SYT16: variants seen among roughly 807,000 people sequenced by gnomAD.
SYT16 encodes the protein synaptotagmin 16, also known as synaptotagmin-16.
In SYT16, 42 loss-of-function variants were observed where a neutral mutation model predicts 61.4. That is an observed-to-expected ratio of 0.68 (90% CI 0.53 to 0.89). The LOEUF is 0.89. Among genes scored for constraint, SYT16 ranks in the 40% least tolerant of loss-of-function variants. The pLI, the probability that SYT16 is intolerant of heterozygous loss-of-function variation, is 0.00. For missense variants in SYT16, 804 were observed against 807.3 expected (o/e 1.00, Z 0.05); for synonymous variants, 314 against 302.3 (o/e 1.04, Z -0.40).
chr14:61,943,270 C>T (rs1238972775), intron 1 of SYT16, among the ~76,000 whole-genome samples: 1 of 152,128 alleles, frequency 6.6e-6, no homozygotes, highest in Non-Finnish European at 1.5e-5. Flanking sequence ...AGCCCAAGAC[C>T]AGACGGATTC....
intron 1 of SYT16, among the ~76,000 whole-genome samples, chr14:61,813,830 T>C (rs1014801911): frequency 1.7e-5 from 2 of 116,704 alleles, no homozygotes; most frequent in African/African-American, 6.6e-5. Context: ...TTTTGAGAGG[T>C]GAGGAGGAAA....
intron 3 of SYT16, 121 bp from the exon 4 acceptor site, chr14:62,069,482 T>C: frequency 1.0e-6 from 1 of 998,846 alleles, no homozygotes; most frequent in Non-Finnish European, 1.5e-6. Flanking sequence ...CTATCCAGTT[T>C]GAGTGTGCCT....
At chr14:62,041,286 A>G (rs1162387173) in intron 3 of SYT16, among the ~76,000 whole-genome samples, 1 of 152,204 alleles carries the variant, frequency 6.6e-6, no homozygotes, top group Non-Finnish European at 1.5e-5. Context: ...GTATCCTTCA[A>G]TCAAGCTGAC....
chr14:61,994,666 G>A (rs1308512505), intron 2 of SYT16, among the ~76,000 whole-genome samples: 2 of 152,116 alleles, frequency 1.3e-5, no homozygotes, highest in South Asian at 2.1e-4. Flanking sequence ...CTGAAAGAGC[G>A]ACACATGAAT....
At chr14:62,046,297 T>C (rs2054982184) in intron 3 of SYT16, among the ~76,000 whole-genome samples, 1 of 150,692 alleles carries the variant, frequency 6.6e-6, no homozygotes, top group Admixed American at 6.6e-5. Context: ...TTTGATGGGG[T>C]TGTTTGTTTT....
At chr14:62,055,906 A>T (rs1413771726) in intron 3 of SYT16, among the ~76,000 whole-genome samples, 3 of 152,208 alleles carry the variant, frequency 2.0e-5, no homozygotes, top group Non-Finnish European at 4.4e-5. Flanking sequence ...TGAAGCCGAC[A>T]GAGCAGCCTC....
intron 1 of SYT16, among the ~76,000 whole-genome samples, chr14:61,917,440 G>T (rs967359826): frequency 1.2e-4 from 19 of 152,012 alleles, no homozygotes; most frequent in Admixed American, 4.6e-4. Flanking sequence ...AAGATTTTTT[G>T]GGGGGAGCAT....
chr14:62,068,095 C>A (rs913080157), intron 3 of SYT16, among the ~76,000 whole-genome samples: 2 of 152,180 alleles, frequency 1.3e-5, no homozygotes, highest in Non-Finnish European at 2.9e-5. Flanking sequence ...TATCTGCACT[C>A]CCATGCTCAC....
intron 1 of SYT16, among the ~76,000 whole-genome samples, chr14:61,851,820 G>A (rs187337854): frequency 1.6e-4 from 24 of 152,162 alleles, no homozygotes; most frequent in Admixed American, 1.1e-3. Context: ...GACCTTCATC[G>A]GATGGATAGA....
At chr14:61,904,834 C>G (rs1394650475) in intron 1 of SYT16, among the ~76,000 whole-genome samples, 2 of 152,176 alleles carry the variant, frequency 1.3e-5, no homozygotes, top group African/African-American at 4.8e-5. Flanking sequence ...TATCTCATTA[C>G]TATAATTAGC....
Position 62,101,368 on chromosome 14 carries a change from C to G in SYT16, c.*661C>G, listed in dbSNP as rs1404657940. The G allele has an allele frequency of 6.6e-6, 1 of 152,104 alleles. No homozygotes were observed. Among genetic ancestry groups the G allele is most frequent in the East Asian group, 1.9e-4 (1 of 5,202 alleles). The allele number at this position is 152,104 out of a possible 1,614,324, so 9.4% of individuals were successfully genotyped here. ...ATCATTTTGAAGCAAGAAAAGAGTT[C>G]AGAAACTACTGTTTTAAGACAACTT... is the stretch of plus-strand genomic sequence containing the variant. On this transcript the variant is annotated 3_prime_UTR_variant, in exon 8 of 8. Coordinates refer to ENST00000683842, the MANE Select transcript of SYT16 (RefSeq NM_001367656.1).
chr14:61,977,959 A>T (rs772236067), intron 2 of SYT16, among the ~76,000 whole-genome samples: 3 of 152,112 alleles, frequency 2.0e-5, no homozygotes, highest in Non-Finnish European at 2.9e-5. Context: ...CTGTTTCATG[A>T]CTTGCTCCTT....
intron 2 of SYT16, among the ~76,000 whole-genome samples, chr14:61,994,150 C>T (rs576238164): frequency 5.9e-5 from 9 of 152,228 alleles, no homozygotes; most frequent in South Asian, 2.1e-4. Context: ...CAAAAGCTAA[C>T]GGAGTTTGGA....
At chr14:61,941,695 T>G (rs1005374322) in intron 1 of SYT16, among the ~76,000 whole-genome samples, 1 of 152,150 alleles carries the variant, frequency 6.6e-6, no homozygotes, top group African/African-American at 2.4e-5. Flanking sequence ...GCAGCTCCCT[T>G]TAGTACTTCC....
At chr14:61,905,291 A>G (rs548920016) in intron 1 of SYT16, among the ~76,000 whole-genome samples, 153 of 151,918 alleles carry the variant, frequency 1.0e-3, no homozygotes, top group African/African-American at 3.6e-3. Context: ...CTTTGTGTGA[A>G]TGGAATATTC....
chr14:61,958,902 A>C (rs946016622), intron 1 of SYT16, among the ~76,000 whole-genome samples: 1 of 151,848 alleles, frequency 6.6e-6, no homozygotes, highest in African/African-American at 2.4e-5. Context: ...CAGATTTGTC[A>C]ATGTTTGTTT....
chr14:61,833,272 C>G (rs901944172), intron 1 of SYT16, among the ~76,000 whole-genome samples: 1 of 151,126 alleles, frequency 6.6e-6, no homozygotes, highest in African/African-American at 2.4e-5. Context: ...TCTCATGGCT[C>G]ATGGGTGGCT....
At chr14:62,042,887 T>TG (rs2054793446) in intron 3 of SYT16, among the ~76,000 whole-genome samples, 1 of 152,198 alleles carries the variant, frequency 6.6e-6, no homozygotes, top group Admixed American at 6.5e-5. Flanking sequence ...TGGACAATCA[T>TG]AGGACTTACC....
chr14:62,027,365 C>G (rs572821334), intron 3 of SYT16, among the ~76,000 whole-genome samples: 1 of 152,168 alleles, frequency 6.6e-6, no homozygotes, highest in African/African-American at 2.4e-5. Context: ...GAAGTAGAGC[C>G]CAAGAAGAGA....
Sources: allele counts gnomAD v4.1 joint callset (sites outside exome capture counted in the v4.1 genomes callset), GRCh38; gene constraint gnomAD v4.1.1; transcripts MANE v1.5; gene names NCBI Gene and HGNC (gene_info 2026-07-23, HGNC 2026-07-21).